SMAD6: variants seen among roughly 807,000 people sequenced by gnomAD.
The protein encoded by SMAD6 is SMAD family member 6, also known as MAD homolog 6.
SMAD6 carries 103 observed loss-of-function variants against 39.4 expected under a neutral mutation model. That is an observed-to-expected ratio of 2.62 (90% CI 2.23 to 3.08). SMAD6 has a LOEUF of 3.08. SMAD6 is among the 30% of genes most tolerant of loss of function. The pLI is 0.00. For missense variants in SMAD6, 1,104 were observed against 742.9 expected (o/e 1.49, Z -5.65); for synonymous variants, 445 against 353.3 (o/e 1.26, Z -2.91).
At chr15:66,726,022 A>G (rs535224714) in intron 3 of SMAD6, among the ~76,000 whole-genome samples, 21 of 152,206 alleles carry the variant, frequency 1.4e-4, no homozygotes, top group South Asian at 8.3e-4. Context: ...CCTGCCACCC[A>G]GTGGCTGTGT....
intron 2 of SMAD6, among the ~76,000 whole-genome samples, chr15:66,713,472 A>G (rs1243180397): frequency 1.4e-4 from 21 of 152,278 alleles, no homozygotes; most frequent in Admixed American, 1.3e-3. Context: ...GGCACGCGCC[A>G]CCACGCCTGG....
rs542475288 is a variant in SMAD6 at position 66,782,842 on chromosome 15, C to G, written c.*1307C>G. 6.9e-4 allele frequency: 105 copies of G among 152,362 alleles called. 2 individuals are homozygous for G. Among genetic ancestry groups the G allele is most frequent in the African/African-American group, 2.4e-3 (98 of 41,580 alleles). 9.4% of individuals were successfully genotyped at this position (152,362 alleles called of 1,614,324 possible). A position where few individuals can be genotyped will look rare whatever the true frequency, so the allele number is the denominator to read the frequency against. ...CTCTTGCTGCATAATAAATTATCCCCAAACTTAGCAGCTTAAAATAACTAA... is the reference window on the plus strand; with the variant it reads ...CTCTTGCTGCATAATAAATTATCCCGAAACTTAGCAGCTTAAAATAACTAA... On this transcript the variant is annotated 3_prime_UTR_variant, in exon 4 of 4. Coordinates refer to ENST00000288840, the MANE Select transcript of SMAD6 (RefSeq NM_005585.5).
intron 3 of SMAD6, among the ~76,000 whole-genome samples, chr15:66,728,446 G>A (rs1489990622): frequency 1.3e-5 from 2 of 151,016 alleles, no homozygotes; most frequent in Non-Finnish European, 2.9e-5. Flanking sequence ...TGGTTCTGTC[G>A]CCCAGGCTGG....
chr15:66,755,934 G>A (rs1227003691), intron 3 of SMAD6, among the ~76,000 whole-genome samples: 1 of 152,128 alleles, frequency 6.6e-6, no homozygotes, highest in Non-Finnish European at 1.5e-5. Context: ...ACTGTATGGG[G>A]CTTCATGCCG....
intron 3 of SMAD6, among the ~76,000 whole-genome samples, chr15:66,756,567 C>T (rs1322544244): frequency 6.6e-6 from 1 of 152,240 alleles, no homozygotes; most frequent in Non-Finnish European, 1.5e-5. Context: ...GGTGTTTACT[C>T]CCATCCCTTG....
intron 3 of SMAD6, among the ~76,000 whole-genome samples, chr15:66,733,465 CTCA>C (rs753869928): frequency 6.6e-6 from 1 of 152,062 alleles, no homozygotes; most frequent in Non-Finnish European, 1.5e-5. Flanking sequence ...TTTGATTTTT[CTCA>C]TCAATGATTT....
In SMAD6 at chr15:66,781,162, T is replaced by C. The variant is rs947145210; in HGVS notation, c.1118T>C (p.Leu373Pro). 4 of 1,608,110 alleles carry C rather than the reference T, an allele frequency of 2.5e-6. No individual in the cohort carries two copies. The highest frequency in any genetic ancestry group is 1.7e-5 in the Admixed American group (1 of 59,988). Residue 373 changes from leucine to proline, a missense_variant, in exon 4 of 4, where the codon CTG becomes CCG. Leu to Pro is a moderately conservative substitution (Grantham distance 98). Transcript: ENST00000288840. Reference sequence around the variant, plus strand: ...GGCTTCTGCCTGGGCCAGCTCAACCTGGAGCAGCGCAGCGAGTCGGTGCGG... The same window carrying C: ...GGCTTCTGCCTGGGCCAGCTCAACCCGGAGCAGCGCAGCGAGTCGGTGCGG... ...GSGFCLGQLN[L>P]EQRSESVRRT...
intron 3 of SMAD6, among the ~76,000 whole-genome samples, chr15:66,733,104 A>G (rs1893658414): frequency 6.6e-6 from 1 of 152,122 alleles, no homozygotes; most frequent in Non-Finnish European, 1.5e-5. Context: ...TGTCTAAAAT[A>G]GTTGATATAT....
At chr15:66,717,294 C>T (rs1215810583) in intron 3 of SMAD6, 1 of 476,660 alleles carries the variant, frequency 2.1e-6, no homozygotes, top group Non-Finnish European at 4.1e-6. Context: ...GTCTGGATGG[C>T]TGTGTGTCTC....
At chr15:66,771,821 A>G (rs573846934) in intron 3 of SMAD6, among the ~76,000 whole-genome samples, 41 of 152,336 alleles carry the variant, frequency 2.7e-4, no homozygotes, top group African/African-American at 8.7e-4. Context: ...AAGATCAATT[A>G]TTATGATTGT....
At chr15:66,779,958 C>T (rs1214713694) in intron 3 of SMAD6, among the ~76,000 whole-genome samples, 1 of 152,210 alleles carries the variant, frequency 6.6e-6, no homozygotes, top group Non-Finnish European at 1.5e-5. Flanking sequence ...GCACCCTGGC[C>T]TGTGTTGGTC....
intron 3 of SMAD6, among the ~76,000 whole-genome samples, chr15:66,770,098 G>C (rs928048233): frequency 1.3e-5 from 2 of 152,228 alleles, no homozygotes; most frequent in African/African-American, 4.8e-5. Context: ...AAAGTGCCGG[G>C]ATTGCAGCCG....
chr15:66,746,421 G>A (rs1893909661), intron 3 of SMAD6, among the ~76,000 whole-genome samples: 1 of 151,986 alleles, frequency 6.6e-6, no homozygotes, highest in Non-Finnish European at 1.5e-5. Context: ...CCAGCTCTTT[G>A]TTCCACATCC....
rs760571406 is a variant in SMAD6, at chr15:66,703,789, C to T, written c.531C>T (p.Tyr177=). Residue 177 remains tyrosine, a synonymous_variant, in exon 1 of 4, where the codon TAC becomes TAT. Transcript: ENST00000288840. ...LLEQELKTVT[Y]SLLKRLKERS... ...AGCAGGAACTCAAAACCGTCACGTA[C>T]TCGCTGCTGAAGCGGCTCAAGGAGC... 2 of 1,441,546 alleles carry T rather than the reference C, an allele frequency of 1.4e-6. No homozygotes were observed. The highest frequency in any genetic ancestry group is 2.2e-5 in the Admixed American group (1 of 45,954). 89.3% of individuals were successfully genotyped at this position (1,441,546 alleles called of 1,614,324 possible).
Position 66,703,741 on chromosome 15 carries a change from G to T in SMAD6, c.483G>T (p.Ala161=). The change falls in exon 1 of 4, where the codon GCG becomes GCT. Residue 161 remains alanine (A), a synonymous_variant. Transcript: ENST00000288840. ...CGGGCGGCGGGCGGAGTCGCGAAGC[G>T]CGCTCGCGGCTGCTGCTGCTGGAGC... ...EPAGGGRSRE[A]RSRLLLLEQE... The T allele has an allele frequency of 7.3e-7, 1 of 1,378,468 alleles. No homozygotes were observed. The highest frequency in any genetic ancestry group is 9.5e-7 in the Non-Finnish European group (1 of 1,052,944). The allele number at this position is 1,378,468 out of a possible 1,614,324, so 85.4% of individuals were successfully genotyped here.
intron 1 of SMAD6, chr15:66,707,338 G>A (rs1893135618): frequency 6.6e-6 from 1 of 152,030 alleles, no homozygotes; most frequent in Non-Finnish European, 1.5e-5. Context: ...GCCCGGGGAA[G>A]AGAGACAGAG....
chr15:66,724,873 A>T (rs971424980), intron 3 of SMAD6, among the ~76,000 whole-genome samples: 2 of 152,112 alleles, frequency 1.3e-5, no homozygotes, highest in African/African-American at 4.8e-5. Flanking sequence ...CTGGCTGCAG[A>T]TGGCCCCTAC....
At chr15:66,770,792 T>C (rs1894366480) in intron 3 of SMAD6, among the ~76,000 whole-genome samples, 1 of 152,146 alleles carries the variant, frequency 6.6e-6, no homozygotes. Flanking sequence ...TGGGCTCCTT[T>C]CCTCCCCAAG....
Position 66,723,748 on chromosome 15 carries a change from A to G in SMAD6, c.952+7250A>G, listed in dbSNP as rs76678537. 8.0e-3 allele frequency among the ~76,000 whole-genome samples: 1,215 copies of G among 152,346 alleles called. 20 individuals carry two copies. The highest frequency in any genetic ancestry group is 0.077 in the East Asian group (396 of 5,176). On this transcript the variant is annotated intron_variant, in intron 3 of 3. Transcript: ENST00000288840. ...AAAAAGGGGGAAAAAAGAATCTACT[A>G]CATGCCAGTGGCAGATGATAGAAAA...
Sources: allele counts gnomAD v4.1 joint callset (sites outside exome capture counted in the v4.1 genomes callset), GRCh38; gene constraint gnomAD v4.1.1; transcripts MANE v1.5; gene names NCBI Gene and HGNC (gene_info 2026-07-23, HGNC 2026-07-21).